The following ZNF223 variants were observed in gnomAD, a reference collection of about 807,000 sequenced individuals.
The protein encoded by ZNF223 is zinc finger protein 223.
A neutral mutation model predicts 12.3 loss-of-function variants in ZNF223; 9 were observed. The ratio of observed to expected loss-of-function variants is 0.73; its 90% CI spans 0.44 to 1.28. The LOEUF (loss-of-function observed/expected upper bound fraction) is 1.28. ZNF223 is among the 50% of genes most tolerant of loss of function. ZNF223 has a pLI of 0.00. For missense variants in ZNF223, 506 were observed against 579.0 expected, an observed-to-expected ratio of 0.87 and a Z score of 1.29; for synonymous variants, 171 against 195.2, an observed-to-expected ratio of 0.88 and a Z score of 1.03.
chr19:44,054,717 A>G (rs183824483), intron 1 of ZNF223, among the ~76,000 whole-genome samples: 1 of 152,182 alleles, frequency 6.6e-6, no homozygotes, highest in Non-Finnish European at 1.5e-5. Flanking sequence ...CTCATTCTCA[A>G]CTCAAATTTA....
At chr19:44,056,276 C>T (rs1043576860) in intron 2 of ZNF223, among the ~76,000 whole-genome samples, 21 of 145,812 alleles carry the variant, frequency 1.4e-4, no homozygotes, top group Admixed American at 1.2e-3. Flanking sequence ...AGCACTTTTT[C>T]GGAGGCTGAG....
At position 44,066,392 on chromosome 19, in the gene ZNF223, C is replaced by G; in HGVS notation, c.564C>G (p.Ile188Met). The change falls in exon 5 of 5, where the codon ATC (isoleucine) becomes ATG (methionine). Residue 188 changes from isoleucine to methionine, a missense_variant. Coordinates refer to ENST00000434772, the MANE Select transcript of ZNF223 (RefSeq NM_013361.6). ...AGTGTGGAAAAAGCTTCTGTTACATCTCAGCGCTTCATATTCATCAGAGAG... is the reference window on the plus strand; with the variant it reads ...AGTGTGGAAAAAGCTTCTGTTACATGTCAGCGCTTCATATTCATCAGAGAG... ...CDECGKSFCY[I>M]SALHIHQRVH... 2 of 1,614,226 alleles carry G rather than the reference C, an allele frequency of 1.2e-6. No individual in the cohort carries two copies. The highest frequency in any genetic ancestry group is 1.7e-6 in the Non-Finnish European group (2 of 1,180,046).
At chr19:44,060,245 CTTT>C (rs1489210006) in intron 2 of ZNF223, 8 of 823,950 alleles carry the variant, frequency 9.7e-6, no homozygotes, top group Non-Finnish European at 1.5e-5. Context: ...CACAAGACTT[CTTT>C]GTCGTTGGAC....
chr19:44,067,003 G>C lies in ZNF223; in HGVS notation c.1175G>C (p.Arg392Thr), dbSNP rs781082321. 1.5e-5 allele frequency: 24 copies of C among 1,612,916 alleles called. No homozygotes were observed. Among genetic ancestry groups the C allele is most frequent in the Non-Finnish European group, 2.0e-5 (24 of 1,179,170 alleles). Residue 392 changes from arginine to threonine, a missense_variant, in exon 5 of 5, where the codon AGA becomes ACA. By Grantham distance (71) the Arg-to-Thr change is moderately conservative (BLOSUM62 -1). Coordinates refer to ENST00000434772, the MANE Select transcript of ZNF223 (RefSeq NM_013361.6). Reference protein sequence around the residue: ...ITKSGLDLHHRAHTGERPYNC... With the variant: ...ITKSGLDLHHTAHTGERPYNC... Reference sequence around the variant, plus strand: ...AAGTCAGGTCTTGACTTGCACCATAGAGCCCACACAGGAGAGAGACCTTAT... The same window carrying C: ...AAGTCAGGTCTTGACTTGCACCATACAGCCCACACAGGAGAGAGACCTTAT...
At chr19:44,059,355 C>T (rs910218083) in intron 2 of ZNF223, among the ~76,000 whole-genome samples, 1 of 152,142 alleles carries the variant, frequency 6.6e-6, no homozygotes, top group Non-Finnish European at 1.5e-5. Flanking sequence ...CAGGGCCCTC[C>T]AGCTCTCTCT....
At chr19:44,065,639 A>G (rs369271793) in intron 4 of ZNF223, among the ~76,000 whole-genome samples, 9 of 144,476 alleles carry the variant, frequency 6.2e-5, no homozygotes, top group African/African-American at 2.3e-4. Context: ...GTGCAGTGGC[A>G]CGATCTCGGC....
At chr19:44,064,134 T>C (rs1165622689) in intron 4 of ZNF223, among the ~76,000 whole-genome samples, 1 of 152,224 alleles carries the variant, frequency 6.6e-6, no homozygotes, top group Non-Finnish European at 1.5e-5. Flanking sequence ...TGACATTTCA[T>C]GTAACGACAC....
Position 44,055,114 on chromosome 19 carries a change from A to G in ZNF223, c.-63A>G, listed in dbSNP as rs368242899. ...GTCTTCATGGCACTTTCCAGGCACA[A>G]TTCTGCTTTCCCTGGAACTGTGTCA... On this transcript the variant is annotated 5_prime_UTR_variant, in exon 2 of 5. Transcript: ENST00000434772. 1.1e-4 allele frequency: 176 copies of G among 1,572,170 alleles called. No individual in the cohort carries two copies. The highest frequency in any genetic ancestry group is 1.3e-4 in the Non-Finnish European group (148 of 1,145,920).
chr19:44,054,825 T>G (rs2147468144), intron 1 of ZNF223, among the ~76,000 whole-genome samples: 2 of 152,346 alleles, frequency 1.3e-5, no homozygotes, highest in South Asian at 4.1e-4. Flanking sequence ...TGTGACTTGC[T>G]TCTTTCATTT....
chr19:44,062,124 C>T (rs1976849141), intron 4 of ZNF223, among the ~76,000 whole-genome samples: 3 of 152,152 alleles, frequency 2.0e-5, no homozygotes, highest in African/African-American at 4.8e-5. Flanking sequence ...GGGGACTTCA[C>T]TGTCTGTAGG....
rs765758748 is a variant in ZNF223 at position 44,060,816 on chromosome 19, A to G, written c.210A>G (p.Ile70Met). 4 of 1,613,470 alleles carry G rather than the reference A, an allele frequency of 2.5e-6. No individual in the cohort carries two copies. Among genetic ancestry groups the G allele is most frequent in the South Asian group, 1.1e-5 (1 of 91,076 alleles). Reference protein sequence around the residue: ...LREEKFWMMDIATQREGNSGG... With the variant: ...LREEKFWMMDMATQREGNSGG... ...AGGAAAAGTTTTGGATGATGGATAT[A>G]GCAACCCAAAGGGAAGGGAATTCAG... The change falls in exon 4 of 5, where the codon ATA (isoleucine) becomes ATG (methionine). Residue 70 changes from isoleucine (I) to methionine (M), a missense_variant. By Grantham distance (10) the Ile-to-Met change is conservative. Coordinates refer to ENST00000434772, the MANE Select transcript of ZNF223 (RefSeq NM_013361.6).
rs149740700 is a variant in ZNF223, at chr19:44,066,336, C to T, written c.508C>T (p.Arg170Cys). 61 of 1,614,086 alleles carry T rather than the reference C, an allele frequency of 3.8e-5. 1 individual carries two copies. The highest frequency in any genetic ancestry group is 3.3e-4 in the Middle Eastern group (2 of 6,084). ...CATCTTTGATCTTCCTCAGCAAATA[C>T]GCTCAGCAGAGAAGTCTCATTCCTG... ...MSIFDLPQQI[R>C]SAEKSHSCDE... is the part of the protein sequence containing the mutation. The change falls in exon 5 of 5, where the codon CGC becomes TGC. Residue 170 changes from arginine (R) to cysteine (C), a missense_variant. By Grantham distance (180) the Arg-to-Cys change is radical. Coordinates refer to ENST00000434772, the MANE Select transcript of ZNF223 (RefSeq NM_013361.6).
At chr19:44,057,722 G>C (rs1043977418) in intron 2 of ZNF223, among the ~76,000 whole-genome samples, 1 of 152,190 alleles carries the variant, frequency 6.6e-6, no homozygotes. Flanking sequence ...TTCTGATCAG[G>C]ACACTAAATG....
At position 44,066,438 on chromosome 19, in the gene ZNF223, T is replaced by G; in HGVS notation, c.610T>G (p.Phe204Val). ...HQRVHLGEKLFKCDVCGKEFS... is the reference protein window; with the variant it reads ...HQRVHLGEKLVKCDVCGKEFS... Reference sequence around the variant, plus strand: ...GAGAGTCCACCTGGGAGAGAAACTCTTTAAGTGTGACGTGTGTGGTAAGGA... The same window carrying G: ...GAGAGTCCACCTGGGAGAGAAACTCGTTAAGTGTGACGTGTGTGGTAAGGA... Residue 204 changes from phenylalanine to valine, a missense_variant, in exon 5 of 5, where the codon TTT (phenylalanine) becomes GTT (valine). Transcript: ENST00000434772. The G allele has an allele frequency of 6.2e-7, 1 of 1,614,184 alleles. No individual in the cohort carries two copies. The highest frequency in any genetic ancestry group is 8.5e-7 in the Non-Finnish European group (1 of 1,180,032).
intron 2 of ZNF223, among the ~76,000 whole-genome samples, chr19:44,056,367 A>G (rs1268584041): frequency 7.0e-6 from 1 of 142,986 alleles, no homozygotes; most frequent in African/African-American, 2.5e-5. Flanking sequence ...AATACAAAAA[A>G]AAAAAAAAAA....
chr19:44,063,194 C>G (rs182005253), intron 4 of ZNF223: 2 of 152,168 alleles, frequency 1.3e-5, no homozygotes, highest in Non-Finnish European at 2.9e-5. Context: ...AGGATTGTTC[C>G]CTTGACCATC....
upstream of ZNF223, chr19:44,051,932 A>C (rs1030771343): frequency 6.6e-6 from 1 of 152,174 alleles, no homozygotes; most frequent in African/African-American, 2.4e-5. Flanking sequence ...TAGTCCAGAC[A>C]CTCTGCGGAG....
intron 4 of ZNF223, among the ~76,000 whole-genome samples, chr19:44,063,089 C>T (rs1245195843): frequency 6.6e-6 from 1 of 152,148 alleles, no homozygotes; most frequent in African/African-American, 2.4e-5. Context: ...ATTACTTACT[C>T]AAAATAGAAA....
chr19:44,060,430 A>AG, intron 2 of ZNF223, 25 bp from the exon 3 acceptor site: 1 of 1,613,072 alleles, frequency 6.2e-7, no homozygotes, highest in Non-Finnish European at 8.5e-7. Flanking sequence ...AGTGAGATTG[A>AG]GGTTGCATAT....
Sources: allele counts gnomAD v4.1 joint callset (sites outside exome capture counted in the v4.1 genomes callset), GRCh38; gene constraint gnomAD v4.1.1; transcripts MANE v1.5; gene names NCBI Gene and HGNC (gene_info 2026-07-23, HGNC 2026-07-21).